The following DNAJB4 variants were observed in gnomAD, a reference collection of about 807,000 sequenced individuals.
DNAJB4 encodes dnaJ homolog subfamily B member 4.
In DNAJB4, 10 loss-of-function variants were observed where a neutral mutation model predicts 26.6. The observed-to-expected ratio is 0.38, with a 90% CI of 0.23 to 0.64. The LOEUF is 0.64. DNAJB4 is among the 30% of genes least tolerant of loss of function. The probability of loss-of-function intolerance (pLI) is 0.58; values close to 1 mark genes in which losing one functional copy is unlikely to be tolerated. For missense variants in DNAJB4, 328 were observed against 408.2 expected, an observed-to-expected ratio of 0.80 and a Z score of 1.69; for synonymous variants, 136 against 134.8, an observed-to-expected ratio of 1.01 and a Z score of -0.06.
intron 1 of DNAJB4, among the ~76,000 whole-genome samples, chr1:78,008,304 A>G (rs1340418269): frequency 6.6e-6 from 1 of 152,238 alleles, no homozygotes; most frequent in Non-Finnish European, 1.5e-5. Context: ...TGCTTATAGC[A>G]GCATTATTTA....
In DNAJB4 at chr1:78,005,452, T is replaced by C. The variant is rs1377003999; in HGVS notation, c.211+131T>C. 4.1e-5 allele frequency: 31 copies of C among 752,808 alleles called. 1 individual carries two copies. The South Asian group carries it at 5.5e-4, about 13-fold the overall frequency. The allele number at this position is 752,808 out of a possible 1,614,324, so 46.6% of individuals were successfully genotyped here. A position where few individuals can be genotyped will look rare whatever the true frequency, so the allele number is the denominator to read the frequency against. Reference sequence around the variant, plus strand: ...TCCTTAAATTGGATTCTCAGTCATATCAAAAGTAGAAGGACAAATGTATAA... The same window carrying C: ...TCCTTAAATTGGATTCTCAGTCATACCAAAAGTAGAAGGACAAATGTATAA... On this transcript the variant is annotated intron_variant, in intron 1 of 2. Coordinates refer to ENST00000370763, the MANE Select transcript of DNAJB4 (RefSeq NM_007034.5).
At chr1:78,009,815 G>A (rs1444701114) in intron 1 of DNAJB4, among the ~76,000 whole-genome samples, 4 of 152,162 alleles carry the variant, frequency 2.6e-5, no homozygotes, top group South Asian at 2.1e-4. Flanking sequence ...TAGTAGAGAC[G>A]AGGTTTCACC....
Position 78,013,106 on chromosome 1 carries a change from C to T in DNAJB4, c.267C>T (p.Thr89=). The change falls in exon 2 of 3, where the codon ACC becomes ACT. Residue 89 remains threonine (T), a synonymous_variant. Coordinates refer to ENST00000370763, the MANE Select transcript of DNAJB4 (RefSeq NM_007034.5). ...TDGQGGTFRY[T]FHGDPHATFA... ...GACAAGGAGGTACCTTCCGGTACAC[C>T]TTTCATGGCGATCCTCATGCTACAT... The T allele has an allele frequency of 6.2e-7, 1 of 1,613,944 alleles. No individual in the cohort carries two copies. Among genetic ancestry groups the T allele is most frequent in the Non-Finnish European group, 8.5e-7 (1 of 1,179,886 alleles).
At chr1:77,994,633 T>C (rs1357819661) in intron 1 of DNAJB4, among the ~76,000 whole-genome samples, 1 of 151,190 alleles carries the variant, frequency 6.6e-6, no homozygotes, top group East Asian at 1.9e-4. Flanking sequence ...CCAATTAAGA[T>C]GACATCTCAG....
intron 1 of DNAJB4, among the ~76,000 whole-genome samples, chr1:77,998,747 A>G (rs940221520): frequency 6.6e-6 from 1 of 152,064 alleles, no homozygotes; most frequent in African/African-American, 2.4e-5. Flanking sequence ...CTGAGGTGGG[A>G]AAATGGCTTG....
intron 1 of DNAJB4, among the ~76,000 whole-genome samples, chr1:77,996,407 G>A (rs964956193): frequency 3.9e-5 from 6 of 152,016 alleles, no homozygotes; most frequent in African/African-American, 9.7e-5. Flanking sequence ...CTCTCACCTC[G>A]TGCTTCTAAA....
intron 1 of DNAJB4, among the ~76,000 whole-genome samples, chr1:77,986,313 A>G (rs985440993): frequency 2.0e-5 from 3 of 152,136 alleles, no homozygotes; most frequent in African/African-American, 7.2e-5. Flanking sequence ...TCGAAATGCA[A>G]TTTCCTCACT....
At chr1:78,007,517 G>A (rs569343670) in intron 1 of DNAJB4, among the ~76,000 whole-genome samples, 47 of 152,246 alleles carry the variant, frequency 3.1e-4, no homozygotes, top group South Asian at 6.2e-4. Flanking sequence ...AGAGGCAGAG[G>A]TTGCAGTGAG....
chr1:78,005,253 T>G lies in DNAJB4; in HGVS notation c.143T>G (p.Val48Gly), dbSNP rs1571440761. 6.2e-7 allele frequency: 1 copy of G among 1,613,546 alleles called. No individual in the cohort carries two copies. The highest frequency in any genetic ancestry group is 1.3e-5 in the African/African-American group (1 of 74,756). The change falls in exon 1 of 3, where the codon GTC becomes GGC. Residue 48 changes from valine (V) to glycine (G), a missense_variant. By Grantham distance (109) the Val-to-Gly change is moderately radical (BLOSUM62 -3). Coordinates refer to ENST00000370763, the MANE Select transcript of DNAJB4 (RefSeq NM_007034.5). Reference sequence around the variant, plus strand: ...CAGGCAGAGGAAAAATTTAAAGAGGTCGCAGAAGCTTATGAAGTATTGAGT... The same window carrying G: ...CAGGCAGAGGAAAAATTTAAAGAGGGCGCAGAAGCTTATGAAGTATTGAGT... ...SPQAEEKFKE[V>G]AEAYEVLSDP...
At chr1:77,998,727 A>G (rs114608578) in intron 1 of DNAJB4, among the ~76,000 whole-genome samples, 13,179 of 151,776 alleles carry the variant, frequency 0.087, 672 homozygotes, top group African/African-American at 0.15. Flanking sequence ...GGTCCTAGCT[A>G]CTCTGGGGGC....
At chr1:77,983,938 T>C (rs1012679174) in intron 1 of DNAJB4, among the ~76,000 whole-genome samples, 11 of 152,198 alleles carry the variant, frequency 7.2e-5, no homozygotes, top group Non-Finnish European at 1.5e-4. Flanking sequence ...GCAGTTTGTT[T>C]CTAGTTATGG....
chr1:78,012,995 GTTTAACTT>G, intron 1 of DNAJB4, 48 bp from the exon 2 acceptor site: 1 of 1,467,912 alleles, frequency 6.8e-7, no homozygotes, highest in Non-Finnish European at 9.1e-7. Context: ...GTTTTTGAAA[GTTTAACTT>G]TTAAGAGTTG....
intron 1 of DNAJB4, among the ~76,000 whole-genome samples, chr1:77,985,877 G>A (rs557983344): frequency 8.5e-5 from 13 of 152,152 alleles, no homozygotes; most frequent in South Asian, 6.2e-4. Flanking sequence ...ATATCTCACC[G>A]TCTTGTCTTG....
intron 1 of DNAJB4, among the ~76,000 whole-genome samples, chr1:78,012,707 G>T (rs899252795): frequency 1.1e-4 from 17 of 152,100 alleles, no homozygotes; most frequent in Admixed American, 4.6e-4. Context: ...TACTCGGGAG[G>T]CTGAGGCAGG....
intron 1 of DNAJB4, among the ~76,000 whole-genome samples, chr1:77,986,755 G>T (rs1335477768): frequency 6.6e-6 from 1 of 152,204 alleles, no homozygotes; most frequent in African/African-American, 2.4e-5. Context: ...TTGACCACAA[G>T]TAATGAAAAC....
chr1:78,005,031 T>A lies in DNAJB4; in HGVS notation c.-80T>A. The A allele has an allele frequency of 7.0e-7, 1 of 1,422,846 alleles. No homozygotes were observed. The highest frequency in any genetic ancestry group is 9.6e-7 in the Non-Finnish European group (1 of 1,036,334). 88.1% of individuals were successfully genotyped at this position (1,422,846 alleles called of 1,614,324 possible). ...TTAAAATACCCAGCTTGGTTTATTTTTCTTAGAATCTGTTGCTAAGACTGG... is the reference window on the plus strand; with the variant it reads ...TTAAAATACCCAGCTTGGTTTATTTATCTTAGAATCTGTTGCTAAGACTGG... On this transcript the variant is annotated 5_prime_UTR_variant, in exon 1 of 3. Transcript: ENST00000370763.
At chr1:77,989,510 T>C (rs1312104149) in intron 1 of DNAJB4, among the ~76,000 whole-genome samples, 1 of 152,240 alleles carries the variant, frequency 6.6e-6, no homozygotes, top group Non-Finnish European at 1.5e-5. Flanking sequence ...CACAATTCTA[T>C]CTACCTCATA....
At chr1:78,006,567 A>G (rs890889602) in intron 1 of DNAJB4, among the ~76,000 whole-genome samples, 1 of 152,212 alleles carries the variant, frequency 6.6e-6, no homozygotes, top group Non-Finnish European at 1.5e-5. Context: ...GATTGTATAT[A>G]GAGGGTTTTT....
rs769857390 is a variant in DNAJB4, at chr1:78,013,156, A to G, written c.317A>G (p.Asn106Ser). The change falls in exon 2 of 3, where the codon AAC (asparagine) becomes AGC (serine). Residue 106 changes from asparagine to serine, a missense_variant. Asn to Ser is a conservative substitution (Grantham distance 46). Transcript: ENST00000370763. The part of the protein sequence containing the change: ...ATFAAFFGGS[N>S]PFEIFFGRRM... ...TTTGCTGCATTTTTCGGAGGGTCCA[A>G]CCCCTTTGAAATTTTCTTTGGAAGA... The G allele has an allele frequency of 5.0e-6, 8 of 1,614,128 alleles. No individual in the cohort carries two copies. The highest frequency in any genetic ancestry group is 1.3e-5 in the African/African-American group (1 of 75,046).
Sources: allele counts gnomAD v4.1 joint callset (sites outside exome capture counted in the v4.1 genomes callset), GRCh38; gene constraint gnomAD v4.1.1; transcripts MANE v1.5; gene names NCBI Gene and HGNC (gene_info 2026-07-23, HGNC 2026-07-21).